The following PCDHGB1 variants were observed in gnomAD, a reference collection of about 807,000 sequenced individuals.
PCDHGB1 encodes the protein protocadherin gamma subfamily B, 1.
Under a neutral mutation model 56.6 loss-of-function variants are expected in PCDHGB1, and 34 were observed. That is an observed-to-expected ratio of 0.60 (90% CI 0.46 to 0.80). PCDHGB1 has a LOEUF of 0.80. Ranked by LOEUF, PCDHGB1 falls within the 30% of genes least tolerant of loss-of-function variation. The probability of loss-of-function intolerance (pLI) is 0.00; values close to 1 mark genes in which losing one functional copy is unlikely to be tolerated. For synonymous variants in PCDHGB1, 561 were observed against 505.9 expected, an observed-to-expected ratio of 1.11 and a Z score of -1.46; for missense variants, 1,278 against 1,204.6, an observed-to-expected ratio of 1.06 and a Z score of -0.90.
intron 1 of PCDHGB1, chr5:141,404,933 A>C (rs2094586796): frequency 6.2e-7 from 1 of 1,613,764 alleles, no homozygotes; most frequent in Non-Finnish European, 8.5e-7. Flanking sequence ...TGTCACGCTC[A>C]CAGTAGCCAT....
chr5:141,394,018 A>T (rs2092900242), intron 1 of PCDHGB1: 1 of 1,613,496 alleles, frequency 6.2e-7, no homozygotes. Flanking sequence ...GGTAATTATT[A>T]TAGATTAGTG....
At chr5:141,372,218 T>C in intron 1 of PCDHGB1, 1 of 1,613,544 alleles carries the variant, frequency 6.2e-7, no homozygotes, top group Non-Finnish European at 8.5e-7. Flanking sequence ...CCTACCACAT[T>C]GTGCAGGCCA....
chr5:141,355,453 G>A, intron 1 of PCDHGB1: 2 of 1,614,094 alleles, frequency 1.2e-6, no homozygotes, highest in South Asian at 1.1e-5. Flanking sequence ...CGGCACCTTG[G>A]TCACCGCGGG....
chr5:141,357,872 T>A (rs1760752511), intron 1 of PCDHGB1: 1 of 562,694 alleles, frequency 1.8e-6, no homozygotes, highest in African/African-American at 1.9e-5. Flanking sequence ...ATTTTACAAC[T>A]CTGAGCCACC....
chr5:141,491,726 C>T lies in PCDHGB1; in HGVS notation c.2410-3081C>T. On this transcript the variant is annotated intron_variant, in intron 1 of 3. Transcript: ENST00000523390. This position sits in a 1 kb window ranked among gnomAD's most constrained non-coding sequence, Gnocchi z 6.9. ...GTGAGGGGCTCGGCGCCGCCCCGGG[C>T]GACCCCTGGGGGCGGCACTGGAGAA... The T allele has an allele frequency of 6.2e-7, 1 of 1,605,884 alleles. No individual in the cohort carries two copies. Among genetic ancestry groups the T allele is most frequent in the East Asian group, 2.2e-5 (1 of 44,600 alleles).
intron 1 of PCDHGB1, chr5:141,397,846 A>C: frequency 1.9e-6 from 1 of 528,462 alleles, no homozygotes; most frequent in South Asian, 3.1e-5. Flanking sequence ...GAAGCCGCAG[A>C]GGCTGTAGTT....
At chr5:141,499,019 AG>A (rs2099788634) in intron 2 of PCDHGB1, among the ~76,000 whole-genome samples, 3 of 150,840 alleles carry the variant, frequency 2.0e-5, no homozygotes, top group Non-Finnish European at 3.0e-5. Context: ...GAAGGAAGGA[AG>A]GAAGGAAGAA....
intron 1 of PCDHGB1, among the ~76,000 whole-genome samples, chr5:141,483,517 CCTGA>C (rs72004558): frequency 0.16 from 24,470 of 151,950 alleles, 2,064 homozygotes; most frequent in African/African-American, 0.21. Context: ...CCCCCTAGAT[CCTGA>C]CTAAGGAAGC....
At position 141,476,573 on chromosome 5, in the gene PCDHGB1, C is replaced by T; in HGVS notation, c.2410-18234C>T. 6.2e-7 allele frequency: 1 copy of T among 1,614,216 alleles called. No homozygotes were observed. Among genetic ancestry groups the T allele is most frequent in the Non-Finnish European group, 8.5e-7 (1 of 1,180,038 alleles). On this transcript the variant is annotated intron_variant, in intron 1 of 3. Coordinates refer to ENST00000523390, the MANE Select transcript of PCDHGB1 (RefSeq NM_018922.3). The surrounding 1 kb of genome is among the most constrained non-coding windows in gnomAD (Gnocchi z 7.6). ...TAGCGAGGCCGTGGCTCCGGGGACG[C>T]GCTTTCCGCTCGAGAGCGCGCACGA... is the stretch of plus-strand genomic sequence containing the variant.
chr5:141,393,922 G>C (rs750880965), intron 1 of PCDHGB1: 16 of 1,613,832 alleles, frequency 9.9e-6, no homozygotes, highest in Middle Eastern at 1.6e-4. Context: ...GCCTTCTTGA[G>C]TGTGCATGAC....
intron 1 of PCDHGB1, chr5:141,364,956 A>G: frequency 1.2e-6 from 2 of 1,613,264 alleles, no homozygotes; most frequent in Non-Finnish European, 1.7e-6. Flanking sequence ...ACTGTTCACG[A>G]CCTCCTCCTC....
At position 141,355,717 on chromosome 5, in the gene PCDHGB1, A is replaced by G. The variant is rs531471033; in HGVS notation, c.2409+3048A>G. On this transcript the variant is annotated intron_variant, in intron 1 of 3. Coordinates refer to ENST00000523390, the MANE Select transcript of PCDHGB1 (RefSeq NM_018922.3). The stretch of plus-strand genomic sequence containing the variant: ...AAACTCCCTGCAGGGTTACCAGCTC[A>G]ACTCAAACGGTTACTTTTCCCTGGA... 3.0e-5 allele frequency: 49 copies of G among 1,614,020 alleles called. No individual in the cohort carries two copies. The highest frequency in any genetic ancestry group is 1.3e-4 in the Admixed American group (8 of 60,030).
chr5:141,490,686 C>T lies in PCDHGB1; in HGVS notation c.2410-4121C>T. The T allele has an allele frequency of 3.7e-6, 6 of 1,614,196 alleles. No homozygotes were observed. The highest frequency in any genetic ancestry group is 5.1e-6 in the Non-Finnish European group (6 of 1,180,014). ...GCACTGTGGCTGCCTCAGATCCAGA[C>T]ACTGGGGATAATGCCCGCCTCACCT... On this transcript the variant is annotated intron_variant, in intron 1 of 3. Coordinates refer to ENST00000523390, the MANE Select transcript of PCDHGB1 (RefSeq NM_018922.3). This position sits in a 1 kb window ranked among gnomAD's most constrained non-coding sequence, Gnocchi z 5.4.
At chr5:141,376,296 C>A (rs769852070) in intron 1 of PCDHGB1, 44 of 1,614,066 alleles carry the variant, frequency 2.7e-5, no homozygotes, top group Middle Eastern at 1.6e-4. Flanking sequence ...ATGCCCGGCT[C>A]GCACTTTGTG....
intron 1 of PCDHGB1, chr5:141,412,862 T>A (rs957973834): frequency 7.5e-5 from 18 of 241,156 alleles, no homozygotes; most frequent in African/African-American, 3.4e-4. Context: ...AAAGAATCTA[T>A]GTAAAATATA....
At chr5:141,499,557 C>G (rs972965979) in intron 2 of PCDHGB1, among the ~76,000 whole-genome samples, 1 of 152,192 alleles carries the variant, frequency 6.6e-6, no homozygotes, top group African/African-American at 2.4e-5. Context: ...TATGATACCA[C>G]TATCCAGCTT....
rs141034739 is a variant in PCDHGB1 at position 141,491,100 on chromosome 5, C to T, written c.2410-3707C>T. The T allele has an allele frequency of 2.7e-4, 430 of 1,614,138 alleles. No homozygotes were observed. The African/African-American group carries it at 4.7e-3, about 18-fold the overall frequency. ...AGTCCACAGCCCCAGGACTGTTCCT[C>T]GTGTCTACACACACTGGTGAGGTGC... On this transcript the variant is annotated intron_variant, in intron 1 of 3. Transcript: ENST00000523390. The surrounding 1 kb of genome is among the most constrained non-coding windows in gnomAD (Gnocchi z 6.9).
intron 1 of PCDHGB1, among the ~76,000 whole-genome samples, chr5:141,401,078 T>A (rs2094109579): frequency 6.6e-6 from 1 of 152,226 alleles, no homozygotes; most frequent in South Asian, 2.1e-4. Flanking sequence ...GTGCAGTGGC[T>A]CATGCCTGTA....
Position 141,385,046 on chromosome 5 carries a change from T to C in PCDHGB1, c.2409+32377T>C, listed in dbSNP as rs777247092. 1.9e-6 allele frequency: 3 copies of C among 1,614,038 alleles called. No homozygotes were observed. The Admixed American group carries it at 5.0e-5, about 27-fold the overall frequency. Reference sequence around the variant, plus strand: ...GTCCTCGTACTGCTGGCGCTCAGGCTGCGGCGCTGGCACAAGTCACGCCTG... The same window carrying C: ...GTCCTCGTACTGCTGGCGCTCAGGCCGCGGCGCTGGCACAAGTCACGCCTG... On this transcript the variant is annotated intron_variant, in intron 1 of 3. Coordinates refer to ENST00000523390, the MANE Select transcript of PCDHGB1 (RefSeq NM_018922.3).
Sources: allele counts gnomAD v4.1 joint callset (sites outside exome capture counted in the v4.1 genomes callset), GRCh38; gene constraint gnomAD v4.1.1; non-coding constraint Gnocchi (gnomAD v3.1); transcripts MANE v1.5; gene names NCBI Gene and HGNC (gene_info 2026-07-23, HGNC 2026-07-21).